ATG7: variants seen among roughly 807,000 people sequenced by gnomAD.
The protein encoded by ATG7 is ubiquitin-like modifier-activating enzyme ATG7.
ATG7 carries 70 observed loss-of-function variants against 82.4 expected under a neutral mutation model. The observed-to-expected ratio is 0.85, with a 90% CI of 0.70 to 1.04. ATG7 has a LOEUF of 1.04. Among genes scored for constraint, ATG7 ranks in the 50% least tolerant of loss-of-function variants. The pLI, the probability that ATG7 is intolerant of heterozygous loss-of-function variation, is 0.00. For missense variants in ATG7, 792 were observed against 864.3 expected (o/e 0.92, Z 1.05); for synonymous variants, 287 against 313.0 (o/e 0.92, Z 0.88).
chr3:11,293,566 G>T (rs1283299283), intron 3 of ATG7, among the ~76,000 whole-genome samples: 1 of 150,654 alleles, frequency 6.6e-6, no homozygotes, highest in Non-Finnish European at 1.5e-5. Flanking sequence ...GTGAATGACT[G>T]GCCGGGCGGG....
chr3:11,401,857 G>T (rs554635067), intron 19 of ATG7, among the ~76,000 whole-genome samples: 2 of 152,196 alleles, frequency 1.3e-5, no homozygotes, highest in African/African-American at 4.8e-5. Context: ...AGGATTAATA[G>T]CTGTTTAACC....
In ATG7 at chr3:11,310,880, C is replaced by T. The variant is rs551489423; in HGVS notation, c.411+1819C>T. ...ATCTCCTGACCTCGTGATCCGCCCG[C>T]CTCGGCCTCCCAAAGTGCTGGGATT... On this transcript the variant is annotated intron_variant, in intron 7 of 20. Transcript: ENST00000693202. Among the ~76,000 whole-genome samples the T allele has an allele frequency of 1.1e-4, 17 of 152,286 alleles. No homozygotes were observed. The South Asian group carries it at 1.7e-3, about 15-fold the overall frequency.
intron 20 of ATG7, among the ~76,000 whole-genome samples, chr3:11,427,466 T>C (rs1364604207): frequency 6.6e-6 from 1 of 150,562 alleles, no homozygotes; most frequent in East Asian, 2.0e-4. Context: ...ATTTTGCAGA[T>C]CTTAATTTCC....
At chr3:11,305,624 A>C (rs1018393627) in intron 5 of ATG7, among the ~76,000 whole-genome samples, 20 of 152,164 alleles carry the variant, frequency 1.3e-4, no homozygotes, top group Non-Finnish European at 1.0e-4. Context: ...GGATGTCCTC[A>C]TCTCACCTGG....
At chr3:11,312,180 T>G (rs1424575165) in intron 7 of ATG7, among the ~76,000 whole-genome samples, 1 of 152,114 alleles carries the variant, frequency 6.6e-6, no homozygotes, top group Non-Finnish European at 1.5e-5. Context: ...GAACGTAAAT[T>G]ATATCTCAAT....
chr3:11,350,357 C>G (rs1488002855), intron 14 of ATG7, among the ~76,000 whole-genome samples: 1 of 152,110 alleles, frequency 6.6e-6, no homozygotes, highest in Admixed American at 6.5e-5. Flanking sequence ...TCACACAATC[C>G]CAAAATCTCA....
At chr3:11,570,867 C>T in the ATG7 span, among the ~76,000 whole-genome samples, 1 of 152,198 alleles carries the variant, frequency 6.6e-6, no homozygotes, top group Admixed American at 6.5e-5. Context: ...GAACTCATCA[C>T]CGTGGCTTCT....
chr3:11,449,113 C>T (rs1016106248), intron 20 of ATG7, among the ~76,000 whole-genome samples: 2 of 152,196 alleles, frequency 1.3e-5, no homozygotes, highest in African/African-American at 4.8e-5. Context: ...ACAGACAAGC[C>T]TTCAAACATC....
chr3:11,286,093 T>C (rs892838176), intron 3 of ATG7, among the ~76,000 whole-genome samples: 1 of 152,218 alleles, frequency 6.6e-6, no homozygotes, highest in African/African-American at 2.4e-5. Flanking sequence ...TGTATTTTCA[T>C]CCAAACACCA....
intron 19 of ATG7, among the ~76,000 whole-genome samples, chr3:11,402,806 A>C (rs78851569): frequency 2.0e-5 from 3 of 152,194 alleles, no homozygotes; most frequent in Non-Finnish European, 4.4e-5. Flanking sequence ...TAATGGAGTC[A>C]GGGTCTCATA....
At chr3:11,574,950 A>G in the ATG7 span, among the ~76,000 whole-genome samples, 1 of 152,086 alleles carries the variant, frequency 6.6e-6, no homozygotes. Flanking sequence ...CGGCCGAGTT[A>G]CCATCCAAAA....
chr3:11,333,991 C>T (rs766554440), intron 11 of ATG7, among the ~76,000 whole-genome samples: 12 of 152,034 alleles, frequency 7.9e-5, no homozygotes, highest in Admixed American at 1.3e-4. Context: ...CCTTGTGATC[C>T]GCCCACCTCA....
chr3:11,392,521 T>C (rs912628852), intron 19 of ATG7, among the ~76,000 whole-genome samples: 4 of 151,492 alleles, frequency 2.6e-5, no homozygotes, highest in African/African-American at 9.7e-5. Flanking sequence ...ATCATTGCAT[T>C]CTAGGGGCCA....
chr3:11,529,471 T>G (rs1196754526), intron 20 of ATG7: 1 of 153,094 alleles, frequency 6.5e-6, no homozygotes, highest in African/African-American at 2.4e-5. Context: ...AAGGGCCTTC[T>G]TCAAAATCAG....
chr3:11,378,929 G>T (rs987992713), intron 18 of ATG7, among the ~76,000 whole-genome samples: 2 of 152,148 alleles, frequency 1.3e-5, no homozygotes, highest in East Asian at 1.9e-4. Context: ...GGTGGATCGG[G>T]TCTTCTGTTC....
intron 14 of ATG7, chr3:11,348,307 G>A (rs7646384): frequency 0.2 from 74,071 of 378,316 alleles, 8,556 homozygotes; most frequent in Admixed American, 0.35. Flanking sequence ...GAATGAAGCC[G>A]CGGACCTTCG....
At chr3:11,444,957 G>T (rs1464442881) in intron 20 of ATG7, among the ~76,000 whole-genome samples, 1 of 152,128 alleles carries the variant, frequency 6.6e-6, no homozygotes, top group African/African-American at 2.4e-5. Context: ...ATGTTAAAAA[G>T]CTCATCATCA....
chr3:11,564,861 T>C, the ATG7 span: 1 of 1,608,698 alleles, frequency 6.2e-7, no homozygotes, highest in South Asian at 1.1e-5. Flanking sequence ...GTCCAGGCTG[T>C]TCTTGGTCAG....
intron 11 of ATG7, among the ~76,000 whole-genome samples, chr3:11,336,967 G>T (rs764903454): frequency 9.9e-5 from 15 of 152,066 alleles, no homozygotes; most frequent in Non-Finnish European, 2.1e-4. Context: ...GCTACCTTGC[G>T]CAGTCGAGGA....
Sources: gnomAD v4.1 joint callset for allele counts (sites outside exome capture counted in the v4.1 genomes callset) on GRCh38, gnomAD v4.1.1 for gene constraint, MANE v1.5 for transcripts, NCBI Gene and HGNC (gene_info 2026-07-23, HGNC 2026-07-21) for gene names.